The following DCAF1 variants were observed in gnomAD, a reference collection of about 807,000 sequenced individuals.
DCAF1 encodes the protein DDB1 and CUL4 associated factor 1.
DCAF1 carries 15 observed loss-of-function variants against 128.0 expected under a neutral mutation model. The observed-to-expected ratio is 0.12, with a 90% CI of 0.08 to 0.18. The LOEUF is 0.18. DCAF1 is among the 10% of genes least tolerant of loss of function. DCAF1 has a pLI of 1.00. For missense variants in DCAF1, 988 were observed against 1,649.5 expected (o/e 0.60, Z 6.95); for synonymous variants, 610 against 603.0 (o/e 1.01, Z -0.17).
chr3:51,415,931 A>G (rs1698839676), intron 18 of DCAF1, among the ~76,000 whole-genome samples: 1 of 152,050 alleles, frequency 6.6e-6, no homozygotes, highest in Admixed American at 6.6e-5. Context: ...TGAATGTCTA[A>G]GAGAATCTCA....
chr3:51,458,244 A>C (rs1373355759), intron 6 of DCAF1, among the ~76,000 whole-genome samples: 2 of 152,188 alleles, frequency 1.3e-5, no homozygotes, highest in African/African-American at 2.4e-5. Flanking sequence ...GGAAAACAAA[A>C]AAAGGCAGGG....
At chr3:51,466,354 C>A (rs1394435950) in intron 5 of DCAF1, among the ~76,000 whole-genome samples, 2 of 152,132 alleles carry the variant, frequency 1.3e-5, no homozygotes, top group African/African-American at 4.8e-5. Context: ...CAAAAACAAA[C>A]CTATCAGCCA....
chr3:51,444,649 G>C (rs1445751528), intron 6 of DCAF1, among the ~76,000 whole-genome samples: 1 of 151,544 alleles, frequency 6.6e-6, no homozygotes, highest in Non-Finnish European at 1.5e-5. Context: ...ACCATGCCTG[G>C]CCTCCCAAAC....
At chr3:51,414,087 A>AT in intron 19 of DCAF1, 44 bp from the exon 20 acceptor site, 4 of 1,524,598 alleles carry the variant, frequency 2.6e-6, no homozygotes, top group Non-Finnish European at 2.6e-6. Flanking sequence ...CACAAAACTT[A>AT]TCTAATCTCA....
chr3:51,414,555 T>C (rs1157455924), intron 19 of DCAF1, 69 bp downstream of exon 19: 20 of 1,575,372 alleles, frequency 1.3e-5, no homozygotes, highest in African/African-American at 8.1e-5. Context: ...GGTATAAAGA[T>C]AGAACAAATT....
chr3:51,423,394 C>T (rs978608012), intron 13 of DCAF1, among the ~76,000 whole-genome samples: 3 of 151,164 alleles, frequency 2.0e-5, no homozygotes, highest in Admixed American at 1.3e-4. Context: ...CCCAGCTACT[C>T]GGGAGGTTGA....
chr3:51,493,634 A>G (rs1553659315), intron 2 of DCAF1, among the ~76,000 whole-genome samples: 1 of 152,136 alleles, frequency 6.6e-6, no homozygotes, highest in East Asian at 1.9e-4. Flanking sequence ...CATGCTACAG[A>G]TGTGGAAAAA....
intron 3 of DCAF1, among the ~76,000 whole-genome samples, chr3:51,472,568 A>G (rs1269827102): frequency 6.6e-6 from 1 of 152,092 alleles, no homozygotes; most frequent in East Asian, 1.9e-4. Context: ...AGACTTTCAC[A>G]TAAATTGAAC....
intron 6 of DCAF1, among the ~76,000 whole-genome samples, chr3:51,451,330 T>G (rs1392055760): frequency 4.0e-5 from 6 of 151,682 alleles, no homozygotes; most frequent in African/African-American, 1.5e-4. Context: ...AAAAATAAAT[T>G]TTAGGCCAGA....
At chr3:51,432,329 C>G (rs950037124) in intron 10 of DCAF1, among the ~76,000 whole-genome samples, 4 of 151,102 alleles carry the variant, frequency 2.6e-5, no homozygotes, top group African/African-American at 9.7e-5. Flanking sequence ...AGCCTGTAGT[C>G]CTAGCTACCT....
rs117329585 is a variant in DCAF1, at chr3:51,426,461, C to T, written c.1847+911G>A. ...CGGACCTCAAGTGATCTGCCCACCT[C>T]GTCCTTCCAAAGTGCTGAAATTACA... is the stretch of plus-strand genomic sequence containing the variant. On this transcript the variant is annotated intron_variant, in intron 13 of 24. Coordinates refer to ENST00000684031, the MANE Select transcript of DCAF1 (RefSeq NM_001387579.1). Among the ~76,000 whole-genome samples the T allele has an allele frequency of 4.9e-4, 75 of 152,260 alleles. No individual in the cohort carries two copies. In the East Asian group the frequency reaches 0.013, roughly 25 times the overall value.
intron 6 of DCAF1, among the ~76,000 whole-genome samples, chr3:51,460,301 C>T (rs1410851934): frequency 2.0e-5 from 3 of 152,060 alleles, no homozygotes; most frequent in South Asian, 4.1e-4. Context: ...GAGTGAACTC[C>T]CATTCACAAC....
At chr3:51,489,638 T>G (rs1707384093) in intron 2 of DCAF1, among the ~76,000 whole-genome samples, 1 of 151,874 alleles carries the variant, frequency 6.6e-6, no homozygotes. Context: ...AATACAAAAT[T>G]TAGCTGGGCA....
intron 13 of DCAF1, among the ~76,000 whole-genome samples, chr3:51,425,140 A>G (rs1006163686): frequency 2.6e-5 from 4 of 152,208 alleles, no homozygotes; most frequent in African/African-American, 4.8e-5. Context: ...TTTTATTTCT[A>G]AAAATAAATT....
At chr3:51,484,618 G>A (rs535575202) in intron 2 of DCAF1, among the ~76,000 whole-genome samples, 4 of 151,448 alleles carry the variant, frequency 2.6e-5, no homozygotes, top group South Asian at 2.1e-4. Context: ...TATTTTGCTC[G>A]TTAGTCCTTT....
At chr3:51,422,580 G>C (rs55798953) in intron 13 of DCAF1, 149 bp from the exon 14 acceptor site, 49,393 of 588,838 alleles carry the variant, frequency 0.084, 2,633 homozygotes, top group Non-Finnish European at 0.11. Context: ...TCAAGCTGTC[G>C]CATCAAGAGA....
At chr3:51,435,832 C>T (rs1007006245) in intron 9 of DCAF1, among the ~76,000 whole-genome samples, 3 of 152,072 alleles carry the variant, frequency 2.0e-5, no homozygotes, top group African/African-American at 7.2e-5. Context: ...ACATAAGTAT[C>T]TGGCCCATAA....
chr3:51,484,289 A>G (rs908865553), intron 2 of DCAF1, among the ~76,000 whole-genome samples: 2 of 151,994 alleles, frequency 1.3e-5, no homozygotes, highest in Non-Finnish European at 2.9e-5. Context: ...CCTGGCCAAC[A>G]TGATGAAACC....
rs782082241 is a variant in DCAF1, at chr3:51,483,688, T to C, written c.110+31A>G. ...TATGAGTTGTGTCCGAGGTTTTTTA[T>C]TAAACTAGGTTTTAAAAAAGTTATT... On this transcript the variant is annotated intron_variant, in intron 3 of 24. Coordinates refer to ENST00000684031, the MANE Select transcript of DCAF1 (RefSeq NM_001387579.1). The C allele has an allele frequency of 2.6e-6, 4 of 1,542,812 alleles. No homozygotes were observed. The South Asian group carries it at 3.3e-5, about 13-fold the overall frequency.
Sources: gnomAD v4.1 joint callset for allele counts (sites outside exome capture counted in the v4.1 genomes callset) on GRCh38, gnomAD v4.1.1 for gene constraint, MANE v1.5 for transcripts, NCBI Gene and HGNC (gene_info 2026-07-23, HGNC 2026-07-21) for gene names.